The following SNAP23 variants were observed in gnomAD, a reference collection of about 807,000 sequenced individuals.
The protein encoded by SNAP23 is synaptosomal-associated protein 23.
Under a neutral mutation model 29.0 loss-of-function variants are expected in SNAP23, and 11 were observed. The ratio of observed to expected loss-of-function variants is 0.38; its 90% confidence interval spans 0.24 to 0.63. The LOEUF is 0.63. SNAP23 is among the 20% of genes least tolerant of loss of function. SNAP23 has a pLI of 0.58. For missense variants in SNAP23, 220 were observed against 253.9 expected (o/e 0.87, Z 0.91); for synonymous variants, 60 against 82.9 (o/e 0.72, Z 1.50).
chr15:42,517,309 T>C (rs2057405281), intron 5 of SNAP23, among the ~76,000 whole-genome samples: 1 of 152,228 alleles, frequency 6.6e-6, no homozygotes, highest in African/African-American at 2.4e-5. Flanking sequence ...GATTATTTGA[T>C]ACAAACTCTT....
At chr15:42,501,580 G>A (rs1351480851) in intron 1 of SNAP23, among the ~76,000 whole-genome samples, 3 of 151,412 alleles carry the variant, frequency 2.0e-5, no homozygotes, top group Admixed American at 1.3e-4. Flanking sequence ...TTTTTTTGTT[G>A]TTTAATTTTG....
chr15:42,511,697 A>G (rs1285049759), intron 1 of SNAP23, 136 bp from the exon 2 acceptor site: 1 of 453,750 alleles, frequency 2.2e-6, no homozygotes, highest in Non-Finnish European at 3.9e-6. Flanking sequence ...AGACTAATAG[A>G]TATAGAAAGA....
intron 5 of SNAP23, among the ~76,000 whole-genome samples, chr15:42,526,859 G>A (rs559170416): frequency 1.4e-5 from 2 of 141,106 alleles, no homozygotes; most frequent in Non-Finnish European, 3.1e-5. Context: ...TTTTTGAGAT[G>A]GAGTGTCTCG....
At position 42,509,753 on chromosome 15, in the gene SNAP23, C is replaced by T. The variant is rs79518305; in HGVS notation, c.-14-2080C>T. The stretch of plus-strand genomic sequence containing the variant: ...GCGCCTGGCCCTCAAAATCTTAAAC[C>T]ATAAAACAGCTATGACAGTAGAATT... On this transcript the variant is annotated intron_variant, in intron 1 of 7. Coordinates refer to ENST00000249647, the MANE Select transcript of SNAP23 (RefSeq NM_003825.4). Among the ~76,000 whole-genome samples, 620 of 152,162 alleles carry T rather than the reference C, an allele frequency of 4.1e-3. 1 individual carries two copies. Among genetic ancestry groups the T allele is most frequent in the African/African-American group, 0.012 (487 of 41,540 alleles).
intron 1 of SNAP23, among the ~76,000 whole-genome samples, chr15:42,500,800 TG>T (rs774869033): frequency 4.1e-4 from 63 of 152,246 alleles, no homozygotes; most frequent in Middle Eastern, 3.4e-3. Flanking sequence ...AAATGTACTG[TG>T]TTTTTTTAAA....
At chr15:42,510,905 A>G (rs1042555397) in intron 1 of SNAP23, among the ~76,000 whole-genome samples, 1 of 152,140 alleles carries the variant, frequency 6.6e-6, no homozygotes. Flanking sequence ...GTGACAATCA[A>G]GCAACTCCAG....
At chr15:42,508,314 A>G (rs1442424952) in intron 1 of SNAP23, among the ~76,000 whole-genome samples, 1 of 152,020 alleles carries the variant, frequency 6.6e-6, no homozygotes, top group Non-Finnish European at 1.5e-5. Flanking sequence ...GTATTCATAC[A>G]TGCAAAACTC....
intron 1 of SNAP23, among the ~76,000 whole-genome samples, chr15:42,502,606 G>A (rs1168179408): frequency 6.6e-6 from 1 of 152,184 alleles, no homozygotes; most frequent in Non-Finnish European, 1.5e-5. Context: ...ATTTCATTCA[G>A]GCAGGGTGAA....
rs61418456 is a variant in SNAP23, at chr15:42,519,561, G to A, written c.266+4207G>A. Among the ~76,000 whole-genome samples the A allele has an allele frequency of 2.7e-3, 410 of 150,948 alleles. 1 individual carries two copies. The highest frequency in any genetic ancestry group is 9.4e-3 in the African/African-American group (385 of 41,032). On this transcript the variant is annotated intron_variant, in intron 5 of 7. Coordinates refer to ENST00000249647, the MANE Select transcript of SNAP23 (RefSeq NM_003825.4). ...ACTAATGTATTTTTAGTAGAGACGG[G>A]GTTTTGCCATGTTGGCCAGGATGGT...
chr15:42,517,562 A>G (rs912144228), intron 5 of SNAP23, among the ~76,000 whole-genome samples: 1 of 152,190 alleles, frequency 6.6e-6, no homozygotes, highest in Non-Finnish European at 1.5e-5. Flanking sequence ...ATGCAGCTAC[A>G]GAGTATTAAT....
intron 4 of SNAP23, among the ~76,000 whole-genome samples, chr15:42,514,198 T>C (rs946452656): frequency 3.3e-5 from 5 of 151,982 alleles, no homozygotes; most frequent in African/African-American, 1.2e-4. Flanking sequence ...AGTGCAGTGG[T>C]GCAATCGTGG....
At chr15:42,514,257 C>T (rs1337622989) in intron 4 of SNAP23, among the ~76,000 whole-genome samples, 2 of 152,044 alleles carry the variant, frequency 1.3e-5, no homozygotes, top group African/African-American at 4.8e-5. Context: ...TCTCCTGGCT[C>T]AGCCTCCTGA....
chr15:42,515,351 A>G lies in SNAP23; in HGVS notation c.263A>G (p.Asn88Ser). 5 of 1,569,044 alleles carry G rather than the reference A, an allele frequency of 3.2e-6. No homozygotes were observed. The highest frequency in any genetic ancestry group is 4.4e-6 in the Non-Finnish European group (5 of 1,144,738). The stretch of plus-strand genomic sequence containing the variant: ...TGTGGCCTTTGTGTCTGCCCATGTA[A>G]TAGGTGAGTTGATAAATTAAGATGG... ...KCCGLCVCPC[N>S]RTKNFESGKA... is the part of the protein sequence containing the mutation. The change falls in exon 5 of 8, where the codon AAT becomes AGT. Residue 88 changes from asparagine to serine, a missense_variant. Physicochemically the swap from Asn to Ser is conservative, Grantham distance 46. Transcript: ENST00000249647.
At chr15:42,519,243 T>TG (rs1332192848) in intron 5 of SNAP23, among the ~76,000 whole-genome samples, 1 of 151,504 alleles carries the variant, frequency 6.6e-6, no homozygotes, top group Non-Finnish European at 1.5e-5. Flanking sequence ...TTAGTAGAGA[T>TG]GGGGGTTCAC....
chr15:42,505,359 C>G (rs899635054), intron 1 of SNAP23: 1 of 152,288 alleles, frequency 6.6e-6, no homozygotes, highest in Non-Finnish European at 1.5e-5. Context: ...GCCACCACGC[C>G]TGGCCTGATG....
rs1244918630 is a variant in SNAP23 at position 42,532,242 on chromosome 15, C to G, written c.*764C>G. On this transcript the variant is annotated 3_prime_UTR_variant, in exon 8 of 8. Transcript: ENST00000249647. ...AGTAGCTGGGATTACAGGCGTGTGT[C>G]ACCACGCTCGGCTAATTTTTGTATT... 6.6e-6 allele frequency: 1 copy of G among 152,206 alleles called. No individual in the cohort carries two copies. The highest frequency in any genetic ancestry group is 1.5e-5 in the Non-Finnish European group (1 of 68,072). 9.4% of individuals were successfully genotyped at this position (152,206 alleles called of 1,614,324 possible).
At chr15:42,508,311 T>C (rs1163680224) in intron 1 of SNAP23, among the ~76,000 whole-genome samples, 1 of 150,960 alleles carries the variant, frequency 6.6e-6, no homozygotes, top group African/African-American at 2.4e-5. Context: ...ACGGTATTCA[T>C]ACATGCAAAA....
chr15:42,492,042 C>T (rs1156643538), upstream of SNAP23, among the ~76,000 whole-genome samples: 1 of 151,990 alleles, frequency 6.6e-6, no homozygotes, highest in African/African-American at 2.4e-5. Flanking sequence ...TCCCAAGTAG[C>T]TGGAATTACA....
intron 1 of SNAP23, among the ~76,000 whole-genome samples, chr15:42,499,868 G>A (rs2057253523): frequency 1.3e-5 from 2 of 152,158 alleles, no homozygotes; most frequent in Non-Finnish European, 2.9e-5. Flanking sequence ...GATTAGGGCC[G>A]GGCGGTGGTT....
Sources: allele counts gnomAD v4.1 joint callset (sites outside exome capture counted in the v4.1 genomes callset), GRCh38; gene constraint gnomAD v4.1.1; transcripts MANE v1.5; gene names NCBI Gene and HGNC (gene_info 2026-07-23, HGNC 2026-07-21).